Variants in CYFIP2 observed in about 807,000 individuals in gnomAD.
CYFIP2 encodes cytoplasmic FMR1-interacting protein 2.
A neutral mutation model predicts 158.7 loss-of-function variants in CYFIP2; 29 were observed. The observed-to-expected ratio is 0.18, with a 90% confidence interval of 0.14 to 0.25. The LOEUF (loss-of-function observed/expected upper bound fraction) is 0.25. Among genes scored for constraint, CYFIP2 ranks in the 10% least tolerant of loss-of-function variants. The probability of loss-of-function intolerance (pLI) is 1.00; values close to 1 mark genes in which losing one functional copy is unlikely to be tolerated. For synonymous variants in CYFIP2, 585 were observed against 617.6 expected, an observed-to-expected ratio of 0.95 and a Z score of 0.78; for missense variants, 852 against 1,639.5, an observed-to-expected ratio of 0.52 and a Z score of 8.29.
At chr5:157,327,262 C>G (rs1761097173) in intron 18 of CYFIP2, among the ~76,000 whole-genome samples, 1 of 152,172 alleles carries the variant, frequency 6.6e-6, no homozygotes, top group African/African-American at 2.4e-5. Context: ...ATGTGACTAT[C>G]AACTTCATAA....
At chr5:157,297,816 A>G (rs1475762689) in intron 5 of CYFIP2, among the ~76,000 whole-genome samples, 1 of 152,264 alleles carries the variant, frequency 6.6e-6, no homozygotes, top group African/African-American at 2.4e-5. Flanking sequence ...AAATCAAAGC[A>G]TGAGGTAGGT....
At chr5:157,372,723 A>C (rs555886775) in intron 26 of CYFIP2, among the ~76,000 whole-genome samples, 4 of 152,200 alleles carry the variant, frequency 2.6e-5, no homozygotes, top group African/African-American at 9.7e-5. Flanking sequence ...TATTTGATTT[A>C]CCATGAGGAA....
At chr5:157,374,441 C>G (rs1240683129) in intron 26 of CYFIP2, among the ~76,000 whole-genome samples, 1 of 152,176 alleles carries the variant, frequency 6.6e-6, no homozygotes, top group Non-Finnish European at 1.5e-5. Context: ...GCTACATAAA[C>G]TATACCCAGC....
intron 23 of CYFIP2, among the ~76,000 whole-genome samples, chr5:157,355,590 C>G (rs1046908697): frequency 1.1e-4 from 16 of 152,138 alleles, no homozygotes; most frequent in Non-Finnish European, 1.9e-4. Flanking sequence ...TGTGCCCACC[C>G]CAAAGCCCAT....
chr5:157,321,776 G>T (rs1056319909), intron 15 of CYFIP2, among the ~76,000 whole-genome samples: 1 of 152,112 alleles, frequency 6.6e-6, no homozygotes, highest in African/African-American at 2.4e-5. Context: ...TCTCGGCAGG[G>T]TCATCTTAAC....
chr5:157,272,710 C>G (rs1756209568), intron 1 of CYFIP2, among the ~76,000 whole-genome samples: 1 of 152,082 alleles, frequency 6.6e-6, no homozygotes, highest in Admixed American at 6.6e-5. Context: ...AGGAAGAGCT[C>G]TATTTTAACC....
At chr5:157,381,434 G>A (rs1437890215) in intron 26 of CYFIP2, among the ~76,000 whole-genome samples, 1 of 150,958 alleles carries the variant, frequency 6.6e-6, no homozygotes, top group East Asian at 2.0e-4. Flanking sequence ...GGCTGAGGCA[G>A]GAGTAATTGC....
At chr5:157,275,943 C>T (rs1299741637) in intron 1 of CYFIP2, among the ~76,000 whole-genome samples, 2 of 152,036 alleles carry the variant, frequency 1.3e-5, no homozygotes, top group Non-Finnish European at 2.9e-5. Context: ...ATTTTATTTT[C>T]ATATTGTGCA....
intron 1 of CYFIP2, among the ~76,000 whole-genome samples, chr5:157,274,943 A>T (rs1159534218): frequency 2.0e-5 from 3 of 151,926 alleles, no homozygotes; most frequent in Non-Finnish European, 2.9e-5. Flanking sequence ...ATTTTTATTT[A>T]AAAAAATTTT....
intron 23 of CYFIP2, among the ~76,000 whole-genome samples, chr5:157,358,265 G>A (rs1229912110): frequency 6.6e-6 from 1 of 152,196 alleles, no homozygotes; most frequent in Non-Finnish European, 1.5e-5. Flanking sequence ...TTCAGTTATG[G>A]TGTCTCATGG....
intron 28 of CYFIP2, among the ~76,000 whole-genome samples, chr5:157,388,418 A>G (rs934042486): frequency 4.6e-5 from 7 of 152,214 alleles, no homozygotes; most frequent in Non-Finnish European, 1.5e-5. Flanking sequence ...GGCAAGTTTT[A>G]AAAGTAACAT....
At chr5:157,334,555 A>G (rs1025578080) in intron 21 of CYFIP2, among the ~76,000 whole-genome samples, 2 of 152,232 alleles carry the variant, frequency 1.3e-5, no homozygotes, top group African/African-American at 4.8e-5. Context: ...AGCAGACACC[A>G]TCTTAACCAA....
chr5:157,315,790 A>G (rs1205561168), intron 13 of CYFIP2, among the ~76,000 whole-genome samples: 2 of 152,202 alleles, frequency 1.3e-5, no homozygotes, highest in Admixed American at 6.5e-5. Flanking sequence ...ATTGCATGCT[A>G]TGCAGTCTCT....
At chr5:157,381,825 G>A (rs575062499) in intron 26 of CYFIP2, among the ~76,000 whole-genome samples, 1 of 152,310 alleles carries the variant, frequency 6.6e-6, no homozygotes, top group South Asian at 2.1e-4. Context: ...AGTTTGAAAT[G>A]GAGCCTGGAT....
intron 26 of CYFIP2, among the ~76,000 whole-genome samples, chr5:157,369,572 A>G (rs1764772828): frequency 6.6e-6 from 1 of 152,188 alleles, no homozygotes; most frequent in Non-Finnish European, 1.5e-5. Flanking sequence ...ACCTTCATCC[A>G]AAGCCAGCTC....
At chr5:157,280,489 G>A (rs1340552139) in intron 1 of CYFIP2, among the ~76,000 whole-genome samples, 3 of 151,626 alleles carry the variant, frequency 2.0e-5, no homozygotes, top group Non-Finnish European at 2.9e-5. Flanking sequence ...CTCCCAAAGT[G>A]CTGGGATTAC....
Position 157,393,060 on chromosome 5 carries a change from C to T in CYFIP2, c.*60C>T. The T allele has an allele frequency of 6.3e-7, 1 of 1,580,890 alleles. No individual in the cohort carries two copies. Among genetic ancestry groups the T allele is most frequent in the Non-Finnish European group, 8.6e-7 (1 of 1,163,056 alleles). ...AAGAGAAGCAGGAGAGAGAAAGCCACAGCCAGCCTGCCATAGGATCCAACT... is the reference window on the plus strand; with the variant it reads ...AAGAGAAGCAGGAGAGAGAAAGCCATAGCCAGCCTGCCATAGGATCCAACT... On this transcript the variant is annotated 3_prime_UTR_variant, in exon 31 of 31. Coordinates refer to ENST00000620254, the MANE Select transcript of CYFIP2 (RefSeq NM_001037333.3).
intron 28 of CYFIP2, 155 bp downstream of exon 28, chr5:157,383,514 C>A: frequency 1.6e-6 from 1 of 622,326 alleles, no homozygotes; most frequent in Non-Finnish European, 2.8e-6. Context: ...ATAGCAACAG[C>A]AGGTCTGGAA....
At chr5:157,324,732 T>TGTTTGTATA (rs1351133380) in intron 16 of CYFIP2, 2 of 150,642 alleles carry the variant, frequency 1.3e-5, no homozygotes, top group Non-Finnish European at 2.9e-5. Flanking sequence ...CTTGACACTG[T>TGTTTGTATA]GTTTGTATAA....
Sources: allele counts gnomAD v4.1 joint callset (sites outside exome capture counted in the v4.1 genomes callset), GRCh38; gene constraint gnomAD v4.1.1; transcripts MANE v1.5; gene names NCBI Gene and HGNC (gene_info 2026-07-23, HGNC 2026-07-21).